The following SOX13 variants were observed in gnomAD, a reference collection of about 807,000 sequenced individuals.
The protein encoded by SOX13 is transcription factor SOX-13.
A neutral mutation model predicts 71.8 loss-of-function variants in SOX13; 28 were observed. The ratio of observed to expected loss-of-function variants is 0.39; its 90% CI spans 0.29 to 0.53. The LOEUF is 0.53. SOX13 is among the 20% of genes least tolerant of loss of function. SOX13 has a pLI of 0.70. For synonymous variants in SOX13, 309 were observed against 317.8 expected, an observed-to-expected ratio of 0.97 and a Z score of 0.29; for missense variants, 627 against 810.3, an observed-to-expected ratio of 0.77 and a Z score of 2.75.
chr1:204,104,604 T>G (rs1311208895), intron 1 of SOX13, among the ~76,000 whole-genome samples: 1 of 152,206 alleles, frequency 6.6e-6, no homozygotes, highest in Non-Finnish European at 1.5e-5. Context: ...GCCCCACCCC[T>G]GCTGCATGGA....
intron 1 of SOX13, among the ~76,000 whole-genome samples, chr1:204,088,784 C>T (rs1043568523): frequency 4.6e-5 from 7 of 152,168 alleles, no homozygotes; most frequent in East Asian, 1.9e-4. Flanking sequence ...GCCACCACCT[C>T]GCCTCGTCAG....
chr1:204,074,473 C>G (rs1655743531), intron 1 of SOX13: 1 of 152,138 alleles, frequency 6.6e-6, no homozygotes, highest in Non-Finnish European at 1.5e-5. Context: ...CGTTCAGTTC[C>G]CAGCGGCTCG....
intron 1 of SOX13, among the ~76,000 whole-genome samples, chr1:204,074,751 C>T (rs933749652): frequency 1.3e-5 from 2 of 152,208 alleles, no homozygotes; most frequent in African/African-American, 2.4e-5. Context: ...GAACTTCAGC[C>T]CTGGACCTTT....
intron 8 of SOX13, 38 bp downstream of exon 8, chr1:204,122,023 G>A (rs1237577568): frequency 2.1e-6 from 3 of 1,453,192 alleles, no homozygotes; most frequent in East Asian, 2.3e-5. Flanking sequence ...GCTCCCTCTC[G>A]AGCTTATGAC....
chr1:204,122,887 C>A lies in SOX13; in HGVS notation c.1058C>A (p.Ala353Asp). ...FLGEGDAVTK[A>D]IQDARQLLHS... ...GGTGAAGGGGACGCTGTCACCAAAGCCATCCAGGATGCTCGGCAGCTGCTG... is the reference window on the plus strand; with the variant it reads ...GGTGAAGGGGACGCTGTCACCAAAGACATCCAGGATGCTCGGCAGCTGCTG... Residue 353 changes from alanine (A) to aspartate (D), a missense_variant, in exon 10 of 14, where the codon GCC becomes GAC. Ala to Asp is a moderately radical substitution (Grantham distance 126). Around this residue, in one of 3 missense-constraint regions of SOX13, gnomAD observed 447 missense variants for 532.2 expected, o/e 0.84. Coordinates refer to ENST00000367204, the MANE Select transcript of SOX13 (RefSeq NM_005686.3). 1.3e-6 allele frequency: 2 copies of A among 1,576,580 alleles called. No individual in the cohort carries two copies. The highest frequency in any genetic ancestry group is 1.8e-5 in the Admixed American group (1 of 54,822).
At chr1:204,091,112 T>C (rs1656132765) in intron 1 of SOX13, among the ~76,000 whole-genome samples, 1 of 152,236 alleles carries the variant, frequency 6.6e-6, no homozygotes, top group African/African-American at 2.4e-5. Flanking sequence ...CAGAACACTG[T>C]TCTTTTCCTT....
intron 1 of SOX13, among the ~76,000 whole-genome samples, chr1:204,093,806 T>G (rs997958931): frequency 2.0e-5 from 3 of 152,188 alleles, no homozygotes; most frequent in African/African-American, 7.2e-5. Context: ...GTGAAGTGCT[T>G]AGCTTGTGAT....
chr1:204,079,780 T>C (rs373910847), intron 1 of SOX13, among the ~76,000 whole-genome samples: 6 of 152,234 alleles, frequency 3.9e-5, no homozygotes, highest in African/African-American at 1.4e-4. Flanking sequence ...CAAGAGCACA[T>C]TGTGGTGCTG....
chr1:204,093,096 AG>A (rs1656179713), intron 1 of SOX13, among the ~76,000 whole-genome samples: 1 of 152,104 alleles, frequency 6.6e-6, no homozygotes, highest in East Asian at 1.9e-4. Flanking sequence ...TGCTGTCCCA[AG>A]TGTATCAGCA....
chr1:204,078,842 G>A (rs887094331), intron 1 of SOX13, among the ~76,000 whole-genome samples: 10 of 152,304 alleles, frequency 6.6e-5, no homozygotes, highest in African/African-American at 2.2e-4. Flanking sequence ...GGGTTCCTCC[G>A]ACCTCTGTCA....
chr1:204,093,517 C>G (rs1358014904), intron 1 of SOX13, among the ~76,000 whole-genome samples: 1 of 152,202 alleles, frequency 6.6e-6, no homozygotes, highest in Non-Finnish European at 1.5e-5. Context: ...AAGGCGGTGG[C>G]ATGGGTGTGG....
chr1:204,092,473 C>T (rs956022610), intron 1 of SOX13, among the ~76,000 whole-genome samples: 3 of 152,182 alleles, frequency 2.0e-5, no homozygotes, highest in Admixed American at 6.5e-5. Context: ...TGAGCCACCA[C>T]TTGTGGCCTC....
At chr1:204,088,865 G>A (rs12239182) in intron 1 of SOX13, among the ~76,000 whole-genome samples, 37,936 of 151,968 alleles carry the variant, frequency 0.25, 4,927 homozygotes, top group Middle Eastern at 0.32. Context: ...ATTAGAGTTC[G>A]GACAAATACA....
intron 1 of SOX13, among the ~76,000 whole-genome samples, chr1:204,103,631 C>T (rs1656402592): frequency 6.6e-6 from 1 of 152,232 alleles, no homozygotes; most frequent in Non-Finnish European, 1.5e-5. Context: ...TTTGACATGG[C>T]CAGTCAGCCT....
Position 204,123,828 on chromosome 1 carries a change from TG to T in SOX13, c.1375+26del, listed in dbSNP as rs752732986. On this transcript the variant is annotated intron_variant, in intron 12 of 13. Coordinates refer to ENST00000367204, the MANE Select transcript of SOX13 (RefSeq NM_005686.3). This position sits in a 1 kb window ranked among gnomAD's most constrained non-coding sequence, Gnocchi z 5.0. ...TGGTAAGGGCCAGTGGCTGGGGCCATGGTTCAGTGTGACCTGGTTGCAGGAG... is the reference window on the plus strand; with the variant it reads ...TGGTAAGGGCCAGTGGCTGGGGCCATGTTCAGTGTGACCTGGTTGCAGGAG... The T allele has an allele frequency of 6.2e-7, 1 of 1,613,104 alleles. No individual in the cohort carries two copies. The highest frequency in any genetic ancestry group is 8.5e-7 in the Non-Finnish European group (1 of 1,179,254).
intron 1 of SOX13, among the ~76,000 whole-genome samples, chr1:204,104,797 G>A (rs904903931): frequency 6.6e-6 from 1 of 152,214 alleles, no homozygotes; most frequent in Admixed American, 6.5e-5. Flanking sequence ...GTCATGCTAC[G>A]ATGACTGGAA....
intron 1 of SOX13, among the ~76,000 whole-genome samples, chr1:204,097,552 G>A (rs147225273): frequency 0.016 from 2,418 of 152,006 alleles, 62 homozygotes; most frequent in African/African-American, 0.053. Context: ...TTAGCTGGGC[G>A]TGGTGGCGCA....
At chr1:204,074,023 A>T (rs934946369) in intron 1 of SOX13, 3 of 151,098 alleles carry the variant, frequency 2.0e-5, no homozygotes, top group Non-Finnish European at 4.4e-5. Flanking sequence ...GCGCGCGTTC[A>T]CCACGCGGGT....
rs2102271175 is a variant in SOX13, at chr1:204,127,092, T to A, written c.*958T>A. ...CGGTTCCCACGGAGCCATTTTTAGCTCTGATCAGCATGGGAATGTGCCTCG... is the reference window on the plus strand; with the variant it reads ...CGGTTCCCACGGAGCCATTTTTAGCACTGATCAGCATGGGAATGTGCCTCG... On this transcript the variant is annotated 3_prime_UTR_variant, in exon 14 of 14. Coordinates refer to ENST00000367204, the MANE Select transcript of SOX13 (RefSeq NM_005686.3). 1 of 152,390 alleles carries A rather than the reference T, an allele frequency of 6.6e-6. No homozygotes were observed. The highest frequency in any genetic ancestry group is 6.6e-5 in the Admixed American group (1 of 15,226). 9.4% of individuals were successfully genotyped at this position (152,390 alleles called of 1,614,324 possible). A position where few individuals can be genotyped will look rare whatever the true frequency, so the allele number is the denominator to read the frequency against.
Sources: gnomAD v4.1 joint callset for allele counts (sites outside exome capture counted in the v4.1 genomes callset) on GRCh38, gnomAD v4.1.1 for gene constraint, gnomAD v4.1.1 regional missense constraint, Gnocchi (gnomAD v3.1) non-coding constraint, MANE v1.5 for transcripts, NCBI Gene and HGNC (gene_info 2026-07-23, HGNC 2026-07-21) for gene names.